BCAS3: variants seen among roughly 807,000 people sequenced by gnomAD.
The protein encoded by BCAS3 is BCAS3 microtubule associated cell migration factor.
Under a neutral mutation model 116.1 loss-of-function variants are expected in BCAS3, and 53 were observed. The observed-to-expected ratio is 0.46, with a 90% CI of 0.37 to 0.57. The LOEUF is 0.57. BCAS3 is among the 20% of genes least tolerant of loss of function. The pLI is 0.00. For synonymous variants in BCAS3, 391 were observed against 408.2 expected (o/e 0.96, Z 0.51); for missense variants, 917 against 1,165.4 (o/e 0.79, Z 3.10).
chr17:61,280,430 A>G (rs567739174), intron 22 of BCAS3, among the ~76,000 whole-genome samples: 2 of 152,268 alleles, frequency 1.3e-5, no homozygotes, highest in South Asian at 4.1e-4. Flanking sequence ...AGGTCATCAG[A>G]TTTGTCTTTG....
At chr17:60,799,307 T>G (rs9904871) in intron 6 of BCAS3, among the ~76,000 whole-genome samples, 34,673 of 151,992 alleles carry the variant, frequency 0.23, 7,188 homozygotes, top group African/African-American at 0.56. Flanking sequence ...CAGTCCAGTG[T>G]ATCCTTGTGT....
chr17:61,206,848 C>A (rs2081171152), intron 22 of BCAS3, among the ~76,000 whole-genome samples: 1 of 147,884 alleles, frequency 6.8e-6, no homozygotes, highest in African/African-American at 2.5e-5. Flanking sequence ...GGGGAATCCC[C>A]TATGAATGTA....
chr17:60,845,959 C>T (rs745365007), intron 7 of BCAS3, among the ~76,000 whole-genome samples: 2 of 150,830 alleles, frequency 1.3e-5, no homozygotes, highest in African/African-American at 4.9e-5. Context: ...GACTTAGTCT[C>T]ACTCTGTCAC....
At chr17:61,272,825 A>G (rs1412087514) in intron 22 of BCAS3, among the ~76,000 whole-genome samples, 1 of 151,898 alleles carries the variant, frequency 6.6e-6, no homozygotes. Flanking sequence ...ATCTGCCCCA[A>G]TCTAGATGTG....
chr17:61,298,984 G>A (rs932422926), intron 22 of BCAS3, among the ~76,000 whole-genome samples: 1 of 151,696 alleles, frequency 6.6e-6, no homozygotes, highest in Non-Finnish European at 1.5e-5. Flanking sequence ...CACCATACCC[G>A]GCTACTTTTT....
intron 12 of BCAS3, among the ~76,000 whole-genome samples, chr17:60,918,069 A>T (rs986568343): frequency 5.3e-5 from 8 of 152,168 alleles, no homozygotes; most frequent in African/African-American, 1.2e-4. Context: ...TGGCTGGACC[A>T]TTTTAAATTC....
rs2058452964 is a variant in BCAS3, at chr17:61,361,551, A to G, written c.2426-6776A>G. ...TTGGCCATCAGATGTGTCCACAGGT[A>G]TAATATATAATATAGCTGTGGTATA... On this transcript the variant is annotated intron_variant, in intron 22 of 23. Transcript: ENST00000407086. The surrounding 1 kb of genome is among the most constrained non-coding windows in gnomAD (Gnocchi z 6.5). 6.6e-6 allele frequency: 1 copy of G among 152,078 alleles called. No homozygotes were observed. Among genetic ancestry groups the G allele is most frequent in the South Asian group, 2.1e-4 (1 of 4,830 alleles). The allele number at this position is 152,078 out of a possible 1,614,324, so 9.4% of individuals were successfully genotyped here. A position where few individuals can be genotyped will look rare whatever the true frequency, so the allele number is the denominator to read the frequency against.
intron 7 of BCAS3, among the ~76,000 whole-genome samples, chr17:60,815,677 A>G (rs1291433164): frequency 6.6e-6 from 1 of 152,242 alleles, no homozygotes; most frequent in Non-Finnish European, 1.5e-5. Flanking sequence ...TCAGGGAGCC[A>G]ATGAAGTCTG....
intron 13 of BCAS3, among the ~76,000 whole-genome samples, chr17:60,926,471 A>G (rs1488286506): frequency 2.0e-5 from 3 of 152,204 alleles, no homozygotes; most frequent in Non-Finnish European, 2.9e-5. Flanking sequence ...TCTACCCTCT[A>G]ATATCTTAAT....
At chr17:61,173,654 G>T (rs1222321299) in intron 22 of BCAS3, among the ~76,000 whole-genome samples, 2 of 152,066 alleles carry the variant, frequency 1.3e-5, no homozygotes, top group Non-Finnish European at 1.5e-5. Context: ...TGAGGCTGAA[G>T]GATCACTAGA....
chr17:61,195,987 A>G lies in BCAS3; in HGVS notation c.2425+111423A>G, dbSNP rs541994134. Among the ~76,000 whole-genome samples, 3 of 152,330 alleles carry G rather than the reference A, an allele frequency of 2.0e-5. No homozygotes were observed. In the South Asian group the frequency reaches 6.2e-4, roughly 32 times the overall value. ...GTATAAGGATCTAGAATTTTTATTT[A>G]TGGACATTGATGTCAGAAGCATATG... On this transcript the variant is annotated intron_variant, in intron 22 of 23. Coordinates refer to ENST00000407086, the MANE Select transcript of BCAS3 (RefSeq NM_017679.5).
rs1293122940 is a variant in BCAS3 at position 61,211,293 on chromosome 17, CTG to C, written c.2425+126731_2425+126732del. Among the ~76,000 whole-genome samples, 2 of 152,188 alleles carry C rather than the reference CTG, an allele frequency of 1.3e-5. No individual in the cohort carries two copies. Among genetic ancestry groups the C allele is most frequent in the Non-Finnish European group, 2.9e-5 (2 of 68,044 alleles). On this transcript the variant is annotated intron_variant, in intron 22 of 23. Transcript: ENST00000407086. The surrounding 1 kb of genome is among the most constrained non-coding windows in gnomAD (Gnocchi z 4.4). ...CCAAGGGGTTGTGCTTCCTTACTGACTGTATTTGTGATCTGTAAGACTTTTCA... is the reference window on the plus strand; with the variant it reads ...CCAAGGGGTTGTGCTTCCTTACTGACTATTTGTGATCTGTAAGACTTTTCA...
chr17:61,268,682 T>G (rs8079588), intron 22 of BCAS3, among the ~76,000 whole-genome samples: 30,187 of 151,750 alleles, frequency 0.2, 3,362 homozygotes, highest in Middle Eastern at 0.32. Flanking sequence ...CTCAGCCTCT[T>G]GAATACCTGA....
At chr17:61,165,426 A>T (rs973843503) in intron 22 of BCAS3, among the ~76,000 whole-genome samples, 7 of 152,336 alleles carry the variant, frequency 4.6e-5, no homozygotes, top group African/African-American at 1.7e-4. Flanking sequence ...GGCTGGGCGC[A>T]GTGGCTCACG....
intron 22 of BCAS3, among the ~76,000 whole-genome samples, chr17:61,127,560 C>T (rs1344376513): frequency 6.6e-6 from 1 of 151,298 alleles, no homozygotes; most frequent in African/African-American, 2.4e-5. Context: ...CTCAGTTGCA[C>T]TAGCCACATT....
intron 15 of BCAS3, among the ~76,000 whole-genome samples, chr17:61,000,606 GT>G (rs1463324373): frequency 6.6e-6 from 1 of 152,074 alleles, no homozygotes; most frequent in Non-Finnish European, 1.5e-5. Context: ...TGATACTGCT[GT>G]TAATGTGAGA....
chr17:61,321,955 C>T (rs1241934720), intron 22 of BCAS3, among the ~76,000 whole-genome samples: 5 of 151,436 alleles, frequency 3.3e-5, no homozygotes, highest in Non-Finnish European at 5.9e-5. Flanking sequence ...TTTTTTGAGA[C>T]GGAGTTTCCC....
In BCAS3 at chr17:60,972,652, A is replaced by G. The variant is rs368491683; in HGVS notation, c.1222-17319A>G. ...AAAATTTTTTAGAGAGGCTGTTGCT[A>G]TGTTGCCCAGGCTGGTCTTGAATCC... is the stretch of plus-strand genomic sequence containing the variant. On this transcript the variant is annotated intron_variant, in intron 14 of 23. Coordinates refer to ENST00000407086, the MANE Select transcript of BCAS3 (RefSeq NM_017679.5). 5.9e-5 allele frequency among the ~76,000 whole-genome samples: 9 copies of G among 151,954 alleles called. No homozygotes were observed. The South Asian group carries it at 1.7e-3, about 28-fold the overall frequency.
intron 6 of BCAS3, among the ~76,000 whole-genome samples, chr17:60,782,896 G>A (rs1005711966): frequency 6.6e-6 from 1 of 151,932 alleles, no homozygotes; most frequent in African/African-American, 2.4e-5. Flanking sequence ...CCAGTCTTTA[G>A]AAATTCTAAA....
Sources: gnomAD v4.1 joint callset for allele counts (sites outside exome capture counted in the v4.1 genomes callset) on GRCh38, gnomAD v4.1.1 for gene constraint, Gnocchi (gnomAD v3.1) non-coding constraint, MANE v1.5 for transcripts, NCBI Gene and HGNC (gene_info 2026-07-23, HGNC 2026-07-21) for gene names.